Variants in DTNBP1 observed in about 807,000 individuals in gnomAD.
The protein encoded by DTNBP1 is dystrobrevin binding protein 1.
DTNBP1 carries 35 observed loss-of-function variants against 42.8 expected under a neutral mutation model. That is an observed-to-expected ratio of 0.82 (90% CI 0.63 to 1.09). The LOEUF (loss-of-function observed/expected upper bound fraction) is 1.09, where lower values mean the gene tolerates loss of function less well. DTNBP1 is among the 50% of genes least tolerant of loss of function. The pLI, the probability that DTNBP1 is intolerant of heterozygous loss-of-function variation, is 0.00. For synonymous variants in DTNBP1, 171 were observed against 162.2 expected (o/e 1.05, Z -0.41); for missense variants, 457 against 424.2 (o/e 1.08, Z -0.68).
At chr6:15,544,596 AG>A in intron 7 of DTNBP1, among the ~76,000 whole-genome samples, 1 of 152,344 alleles carries the variant, frequency 6.6e-6, no homozygotes, top group Middle Eastern at 3.4e-3. Flanking sequence ...ATTGTAACAC[AG>A]GTTGAGTATC....
chr6:15,525,098 G>A (rs564930091), intron 8 of DTNBP1, among the ~76,000 whole-genome samples: 1 of 152,230 alleles, frequency 6.6e-6, no homozygotes, highest in Non-Finnish European at 1.5e-5. Context: ...AATTGCAAGT[G>A]GAGTTTCCAC....
intron 6 of DTNBP1, among the ~76,000 whole-genome samples, chr6:15,607,816 A>T (rs1758164193): frequency 6.6e-6 from 1 of 152,160 alleles, no homozygotes; most frequent in South Asian, 2.1e-4. Context: ...TTGCATGTTG[A>T]TAGTACATAC....
intron 6 of DTNBP1, among the ~76,000 whole-genome samples, chr6:15,594,400 G>A (rs1776420103): frequency 6.7e-6 from 1 of 150,288 alleles, no homozygotes; most frequent in Non-Finnish European, 1.5e-5. Context: ...AGGAAGCACA[G>A]TTAGCAACAA....
At chr6:15,662,659 C>T (rs1416786348) in intron 1 of DTNBP1, among the ~76,000 whole-genome samples, 155 bp downstream of exon 1, 1 of 151,942 alleles carries the variant, frequency 6.6e-6, no homozygotes, top group Non-Finnish European at 1.5e-5. Context: ...GCGAGGACGC[C>T]GGGAAGTTCG....
At chr6:15,614,253 G>A (rs1758593456) in intron 6 of DTNBP1, among the ~76,000 whole-genome samples, 1 of 151,714 alleles carries the variant, frequency 6.6e-6, no homozygotes. Context: ...GGGGGTGGTG[G>A]TATATTAGTG....
At chr6:15,580,415 A>G (rs1341050193) in intron 7 of DTNBP1, among the ~76,000 whole-genome samples, 1 of 152,238 alleles carries the variant, frequency 6.6e-6, no homozygotes, top group Admixed American at 6.5e-5. Flanking sequence ...TAATACACTT[A>G]GGCTGTAAAA....
chr6:15,655,621 T>C (rs577933247), intron 1 of DTNBP1, among the ~76,000 whole-genome samples: 3 of 129,178 alleles, frequency 2.3e-5, no homozygotes, highest in African/African-American at 9.2e-5. Flanking sequence ...AAAGTAGCTA[T>C]AGGAAAGTAA....
At chr6:15,624,841 A>C (rs1038662821) in intron 5 of DTNBP1, among the ~76,000 whole-genome samples, 1 of 152,172 alleles carries the variant, frequency 6.6e-6, no homozygotes, top group Non-Finnish European at 1.5e-5. Context: ...TAAATGAGTA[A>C]GCATTTAAAA....
intron 6 of DTNBP1, among the ~76,000 whole-genome samples, chr6:15,597,320 C>G (rs1269052920): frequency 2.0e-5 from 3 of 152,192 alleles, no homozygotes; most frequent in Non-Finnish European, 4.4e-5. Context: ...GAAGCAAGGA[C>G]TGAGCTGATG....
At chr6:15,524,022 A>G (rs1772151245) in intron 9 of DTNBP1, 8 of 1,289,778 alleles carry the variant, frequency 6.2e-6, no homozygotes, top group Non-Finnish European at 8.1e-6. Flanking sequence ...TGCTGCATGA[A>G]TGTGAAACAA....
chr6:15,660,261 T>C, intron 1 of DTNBP1: 2 of 873,304 alleles, frequency 2.3e-6, no homozygotes, highest in Non-Finnish European at 3.3e-6. Context: ...AACACATGTG[T>C]GCTGTGTTTA....
intron 4 of DTNBP1, among the ~76,000 whole-genome samples, chr6:15,635,284 A>G (rs1460228245): frequency 6.6e-6 from 1 of 151,812 alleles, no homozygotes; most frequent in Non-Finnish European, 1.5e-5. Flanking sequence ...ATGCCCAGCT[A>G]ATTTTTGTAT....
intron 7 of DTNBP1, among the ~76,000 whole-genome samples, chr6:15,563,802 A>T (rs995911451): frequency 2.0e-5 from 3 of 152,150 alleles, no homozygotes; most frequent in African/African-American, 7.2e-5. Context: ...TCACACCTAC[A>T]ATCCCAGCAC....
chr6:15,576,986 T>G (rs142029180), intron 7 of DTNBP1, among the ~76,000 whole-genome samples: 230 of 152,280 alleles, frequency 1.5e-3, no homozygotes, highest in Non-Finnish European at 2.2e-3. Flanking sequence ...TAGGTTTACA[T>G]TTTAGACAAA....
rs565204033 is a variant in DTNBP1 at position 15,608,530 on chromosome 6, T to C, written c.488+6737A>G. Among the ~76,000 whole-genome samples the C allele has an allele frequency of 2.2e-4, 33 of 152,286 alleles. 1 individual carries two copies. Among genetic ancestry groups the C allele is most frequent in the African/African-American group, 7.2e-4 (30 of 41,564 alleles). ...AGCTTCTCACCACCTCCCTAGAAAT[T>C]CCCTTGGTGTCTCTTCTGAACAGAA... On this transcript the variant is annotated intron_variant, in intron 6 of 9. Transcript: ENST00000344537.
intron 3 of DTNBP1, among the ~76,000 whole-genome samples, chr6:15,641,994 G>C (rs1188042688): frequency 6.6e-6 from 1 of 152,222 alleles, no homozygotes; most frequent in Admixed American, 6.5e-5. Flanking sequence ...TGATGCAGCA[G>C]TGTTCTCTCT....
intron 7 of DTNBP1, among the ~76,000 whole-genome samples, chr6:15,564,854 C>T (rs1041957877): frequency 5.3e-5 from 8 of 152,276 alleles, no homozygotes; most frequent in African/African-American, 1.9e-4. Context: ...GTGGCTCATG[C>T]CTGTAATCCC....
chr6:15,581,261 C>A (rs1775818022), intron 7 of DTNBP1, among the ~76,000 whole-genome samples: 1 of 152,124 alleles, frequency 6.6e-6, no homozygotes, highest in Non-Finnish European at 1.5e-5. Context: ...CTCTCTGCAA[C>A]CTCTGCCACC....
Position 15,587,110 on chromosome 6 carries a change from C to T in DTNBP1, c.511+5949G>A, listed in dbSNP as rs1228749170. Among the ~76,000 whole-genome samples the T allele has an allele frequency of 6.6e-6, 1 of 152,198 alleles. No homozygotes were observed. The highest frequency in any genetic ancestry group is 2.4e-5 in the African/African-American group (1 of 41,458). On this transcript the variant is annotated intron_variant, in intron 7 of 9. Coordinates refer to ENST00000344537, the MANE Select transcript of DTNBP1 (RefSeq NM_032122.5). This position sits in a 1 kb window ranked among gnomAD's most constrained non-coding sequence, Gnocchi z 4.1. ...CTGAGGTTCAACAGCCCATTGGACACTTCCACCTATAATGTCTTACAGATA... is the reference window on the plus strand; with the variant it reads ...CTGAGGTTCAACAGCCCATTGGACATTTCCACCTATAATGTCTTACAGATA...
Sources: gnomAD v4.1 joint callset for allele counts (sites outside exome capture counted in the v4.1 genomes callset) on GRCh38, gnomAD v4.1.1 for gene constraint, Gnocchi (gnomAD v3.1) non-coding constraint, MANE v1.5 for transcripts, NCBI Gene and HGNC (gene_info 2026-07-23, HGNC 2026-07-21) for gene names.